TTLL11: variants seen among roughly 807,000 people sequenced by gnomAD.
TTLL11 encodes the protein tubulin tyrosine ligase like 11.
TTLL11 carries 42 observed loss-of-function variants against 51.7 expected under a neutral mutation model. The observed-to-expected ratio is 0.81, with a 90% CI of 0.64 to 1.05. The LOEUF (loss-of-function observed/expected upper bound fraction) is 1.05, where lower values mean the gene tolerates loss of function less well. TTLL11 is among the 50% of genes least tolerant of loss of function. The probability of loss-of-function intolerance (pLI) is 0.00; values close to 1 mark genes in which losing one functional copy is unlikely to be tolerated. For synonymous variants in TTLL11, 381 were observed against 383.5 expected (o/e 0.99, Z 0.08); for missense variants, 799 against 940.4 (o/e 0.85, Z 1.97).
chr9:122,092,301 G>A (rs547676429), intron 1 of TTLL11, among the ~76,000 whole-genome samples: 33 of 152,214 alleles, frequency 2.2e-4, no homozygotes, highest in Non-Finnish European at 4.0e-4. Flanking sequence ...CACACAGCAA[G>A]TGCTAAACAA....
At chr9:121,834,482 CTTT>C (rs57838645) in intron 8 of TTLL11, among the ~76,000 whole-genome samples, 1 of 145,098 alleles carries the variant, frequency 6.9e-6, no homozygotes. Flanking sequence ...CCCTGAGTGG[CTTT>C]TTTTTTTTTC....
At chr9:121,914,159 TGG>T (rs1840240561) in intron 6 of TTLL11, among the ~76,000 whole-genome samples, 1 of 152,230 alleles carries the variant, frequency 6.6e-6, no homozygotes. Context: ...CTATGGCCCT[TGG>T]GTCAAACCAA....
chr9:121,881,580 C>T lies in TTLL11; in HGVS notation c.1482-10832G>A, dbSNP rs115571850. ...GCGCTGGCACATCGGTCAATTCCCG[C>T]GGTACAGGTGTTGAACACAAAACCA... On this transcript the variant is annotated intron_variant, in intron 6 of 8. Transcript: ENST00000321582. Among the ~76,000 whole-genome samples, 702 of 152,324 alleles carry T rather than the reference C, an allele frequency of 4.6e-3. 3 individuals carry two copies. Among genetic ancestry groups the T allele is most frequent in the African/African-American group, 0.016 (655 of 41,562 alleles).
chr9:121,822,696 C>T lies in TTLL11; in HGVS notation c.2024G>A (p.Arg675His), dbSNP rs749206323. The T allele has an allele frequency of 1.3e-5, 19 of 1,513,846 alleles. No homozygotes were observed. The African/African-American group carries it at 1.4e-4, about 11-fold the overall frequency. The allele number at this position is 1,513,846 out of a possible 1,614,324, so 93.8% of individuals were successfully genotyped here. A position where few individuals can be genotyped will look rare whatever the true frequency, so the allele number is the denominator to read the frequency against. ...GVPSGGRPPHRGPPQEPSPSA... is the reference protein window; with the variant it reads ...GVPSGGRPPHHGPPQEPSPSA... The stretch of plus-strand genomic sequence containing the variant: ...GGGGGAGGGCTCCTGGGGAGGGCCA[C>T]GGTGTGGGGGCCGGCCCCCCGACGG... Residue 675 changes from arginine (R) to histidine (H), a missense_variant, in exon 9 of 9, where the codon CGT becomes CAT. This residue lies in a region of TTLL11 where 165 missense variants were observed against 166.1 expected (regional missense o/e 0.99). Coordinates refer to ENST00000321582, the MANE Select transcript of TTLL11 (RefSeq NM_001139442.2). This position sits in a 1 kb window ranked among gnomAD's most constrained non-coding sequence, Gnocchi z 5.8.
chr9:122,065,275 C>T (rs1845549397), intron 1 of TTLL11, among the ~76,000 whole-genome samples: 1 of 152,036 alleles, frequency 6.6e-6, no homozygotes, highest in African/African-American at 2.4e-5. Context: ...GGGTAGAGTT[C>T]CTCGAAGTAA....
intron 6 of TTLL11, among the ~76,000 whole-genome samples, chr9:121,878,950 A>T (rs1838670489): frequency 1.3e-5 from 2 of 152,108 alleles, no homozygotes. Flanking sequence ...TTGTGGGTAG[A>T]TCAGGGCATG....
chr9:121,895,620 CAT>C (rs1345480781), intron 6 of TTLL11, among the ~76,000 whole-genome samples: 1 of 135,026 alleles, frequency 7.4e-6, no homozygotes, highest in South Asian at 2.6e-4. Context: ...TCTGTGTGAA[CAT>C]GTGGTCATGT....
intron 3 of TTLL11, among the ~76,000 whole-genome samples, chr9:122,030,882 AG>A (rs1447808862): frequency 6.6e-6 from 1 of 152,076 alleles, no homozygotes; most frequent in Non-Finnish European, 1.5e-5. Context: ...TGGAAGCTGC[AG>A]TAAGCCAAGA....
intron 6 of TTLL11, among the ~76,000 whole-genome samples, chr9:121,907,500 C>T (rs1267378852): frequency 1.3e-5 from 2 of 151,716 alleles, no homozygotes; most frequent in East Asian, 1.9e-4. Context: ...AAAGCTTGTC[C>T]GTGGATGAAG....
intron 3 of TTLL11, among the ~76,000 whole-genome samples, chr9:122,006,992 A>C (rs561412302): frequency 1.1e-3 from 156 of 142,536 alleles, no homozygotes; most frequent in African/African-American, 4.2e-3. Context: ...AAAAAAAAAA[A>C]AAAAAAAAAA....
intron 6 of TTLL11, among the ~76,000 whole-genome samples, chr9:121,940,343 CT>C (rs35594469): frequency 6.2e-4 from 91 of 146,380 alleles, no homozygotes; most frequent in Admixed American, 6.8e-4. Flanking sequence ...AACTTTCTCT[CT>C]TTTTTTTTTT....
intron 3 of TTLL11, among the ~76,000 whole-genome samples, chr9:122,024,761 A>C (rs1185009425): frequency 6.6e-6 from 1 of 152,182 alleles, no homozygotes; most frequent in East Asian, 1.9e-4. Flanking sequence ...ACCTTACACC[A>C]TATACAAAAA....
intron 3 of TTLL11, among the ~76,000 whole-genome samples, chr9:122,031,206 T>A (rs1212947255): frequency 1.3e-5 from 2 of 152,208 alleles, no homozygotes; most frequent in African/African-American, 4.8e-5. Flanking sequence ...TATTACATGC[T>A]CAAACCTGGT....
At chr9:121,944,102 T>C (rs546810037) in intron 6 of TTLL11, among the ~76,000 whole-genome samples, 2 of 152,318 alleles carry the variant, frequency 1.3e-5, no homozygotes, top group East Asian at 3.9e-4. Flanking sequence ...ATTAACAAAA[T>C]GATAAAAATA....
chr9:121,914,359 T>C (rs1323050446), intron 6 of TTLL11, among the ~76,000 whole-genome samples: 1 of 152,214 alleles, frequency 6.6e-6, no homozygotes. Context: ...TCTCCAGGCA[T>C]AGGGCCTATA....
chr9:121,881,404 A>T (rs1838784757), intron 6 of TTLL11, among the ~76,000 whole-genome samples: 1 of 152,208 alleles, frequency 6.6e-6, no homozygotes, highest in Admixed American at 6.5e-5. Context: ...TCTCTTCTAT[A>T]CACTGAGCAC....
intron 3 of TTLL11, among the ~76,000 whole-genome samples, chr9:122,024,169 G>A (rs992485631): frequency 6.6e-6 from 1 of 152,032 alleles, no homozygotes; most frequent in African/African-American, 2.4e-5. Context: ...AATTAGAAAT[G>A]GAAGTTTAAA....
chr9:122,053,832 G>A (rs988071226), intron 1 of TTLL11, among the ~76,000 whole-genome samples: 3 of 152,056 alleles, frequency 2.0e-5, no homozygotes, highest in African/African-American at 4.8e-5. Context: ...GTTCCTAGTC[G>A]TTTGGGAATC....
intron 6 of TTLL11, among the ~76,000 whole-genome samples, chr9:121,899,365 G>GTATATATATACATATATA (rs1554766916): frequency 8.0e-5 from 9 of 113,206 alleles, no homozygotes; most frequent in Non-Finnish European, 7.2e-5. Context: ...ATGTGTGTGT[G>GTATATATATACATATATA]TATATATATA....
Sources: allele counts gnomAD v4.1 joint callset (sites outside exome capture counted in the v4.1 genomes callset), GRCh38; gene constraint gnomAD v4.1.1; regional missense constraint gnomAD v4.1.1; non-coding constraint Gnocchi (gnomAD v3.1); transcripts MANE v1.5; gene names NCBI Gene and HGNC (gene_info 2026-07-23, HGNC 2026-07-21).